Variants in FAR2 observed in about 807,000 individuals in gnomAD.
The protein encoded by FAR2 is epididymis secretory protein Li 81.
A neutral mutation model predicts 56.0 loss-of-function variants in FAR2; 19 were observed. The observed-to-expected ratio is 0.34, with a 90% CI of 0.24 to 0.50. The LOEUF (loss-of-function observed/expected upper bound fraction) is 0.50, where lower values mean the gene tolerates loss of function less well. FAR2 is among the 20% of genes least tolerant of loss of function. The probability of loss-of-function intolerance (pLI) is 0.98; values close to 1 mark genes in which losing one functional copy is unlikely to be tolerated. For synonymous variants in FAR2, 219 were observed against 218.8 expected (o/e 1.00, Z -0.01); for missense variants, 508 against 642.2 (o/e 0.79, Z 2.26).
chr12:29,297,082 C>A lies in FAR2; in HGVS notation c.427C>A (p.Pro143Thr). The A allele has an allele frequency of 6.2e-7, 1 of 1,613,238 alleles. No individual in the cohort carries two copies. Among genetic ancestry groups the A allele is most frequent in the Non-Finnish European group, 8.5e-7 (1 of 1,179,568 alleles). Residue 143 changes from proline to threonine, a missense_variant, in exon 4 of 12, where the codon CCA becomes ACA. Physicochemically the swap from Pro to Thr is conservative, Grantham distance 38. Coordinates refer to ENST00000536681, the MANE Select transcript of FAR2 (RefSeq NM_001271783.2). The stretch of plus-strand genomic sequence containing the variant: ...GCTCTTGCTTATGGCTAGTCAGATG[C>A]CAAAGCTGGAAGCCTTTATACATAT... ...RQLLLMASQM[P>T]KLEAFIHIST... is the part of the protein sequence containing the mutation.
Position 29,311,067 on chromosome 12 carries a change from A to G in FAR2, c.808A>G (p.Met270Val). The G allele has an allele frequency of 1.2e-6, 2 of 1,613,646 alleles. No individual in the cohort carries two copies. Among genetic ancestry groups the G allele is most frequent in the Non-Finnish European group, 1.7e-6 (2 of 1,179,648 alleles). Reference protein sequence around the residue: ...GFLRAIKATPMAVADVIPVDT... With the variant: ...GFLRAIKATPVAVADVIPVDT... Reference sequence around the variant, plus strand: ...TCTTCGGGCCATAAAAGCTACTCCAATGGCTGTGGCAGACGTAATTCCAGT... The same window carrying G: ...TCTTCGGGCCATAAAAGCTACTCCAGTGGCTGTGGCAGACGTAATTCCAGT... Residue 270 changes from methionine (M) to valine (V), a missense_variant, in exon 7 of 12, where the codon ATG (methionine) becomes GTG (valine). By Grantham distance (21) the Met-to-Val change is conservative. Transcript: ENST00000536681.
Position 29,335,561 on chromosome 12 carries a change from CT to C in FAR2, c.*1768del, listed in dbSNP as rs1179788022. On this transcript the variant is annotated 3_prime_UTR_variant, in exon 12 of 12. Transcript: ENST00000536681. Reference sequence around the variant, plus strand: ...ATGTTTTACCAATTCAATAATTCCACTAATCAAGTATTCACATTTTGACTTT... The same window carrying C: ...ATGTTTTACCAATTCAATAATTCCACAATCAAGTATTCACATTTTGACTTT... The C allele has an allele frequency of 6.6e-6, 1 of 152,104 alleles. No homozygotes were observed. Among genetic ancestry groups the C allele is most frequent in the Non-Finnish European group, 1.5e-5 (1 of 68,016 alleles). The allele number at this position is 152,104 out of a possible 1,614,324, so 9.4% of individuals were successfully genotyped here. A position where few individuals can be genotyped will look rare whatever the true frequency, so the allele number is the denominator to read the frequency against.
At chr12:29,331,508 T>TTC (rs1204070880) in intron 10 of FAR2, 1 of 152,114 alleles carries the variant, frequency 6.6e-6, no homozygotes, top group African/African-American at 2.4e-5. Context: ...ATACTTGAAA[T>TTC]ATTTCCAGAG....
At chr12:29,323,731 C>G (rs1183241448) in intron 10 of FAR2, among the ~76,000 whole-genome samples, 1 of 151,926 alleles carries the variant, frequency 6.6e-6, no homozygotes. Flanking sequence ...GACATCCACA[C>G]CAAAAACCCA....
At chr12:29,154,987 G>C (rs1949715041) in intron 1 of FAR2, among the ~76,000 whole-genome samples, 1 of 152,128 alleles carries the variant, frequency 6.6e-6, no homozygotes, top group Admixed American at 6.5e-5. Flanking sequence ...CTACTTAGTT[G>C]GTGGAAAGCG....
chr12:29,243,511 A>G (rs545771208), intron 1 of FAR2, among the ~76,000 whole-genome samples: 2 of 152,352 alleles, frequency 1.3e-5, no homozygotes, highest in South Asian at 4.1e-4. Context: ...GCAGGTGCTC[A>G]GTAAATAATA....
At chr12:29,157,973 T>A (rs1328317580) in intron 1 of FAR2, among the ~76,000 whole-genome samples, 1 of 152,218 alleles carries the variant, frequency 6.6e-6, no homozygotes, top group Admixed American at 6.5e-5. Flanking sequence ...TTGCTTATTA[T>A]TTTCAATAAA....
rs1428713361 is a variant in FAR2 at position 29,334,261 on chromosome 12, T to C, written c.*467T>C. ...AGAATGGTCTCAATATCCTCAAAAA[T>C]GCAGTAAGAGAAGTAATTCCCCACT... On this transcript the variant is annotated 3_prime_UTR_variant, in exon 12 of 12. Transcript: ENST00000536681. 1 of 152,186 alleles carries C rather than the reference T, an allele frequency of 6.6e-6. No individual in the cohort carries two copies. Among genetic ancestry groups the C allele is most frequent in the African/African-American group, 2.4e-5 (1 of 41,418 alleles). 9.4% of individuals were successfully genotyped at this position (152,186 alleles called of 1,614,324 possible). A position where few individuals can be genotyped will look rare whatever the true frequency, so the allele number is the denominator to read the frequency against.
intron 1 of FAR2, among the ~76,000 whole-genome samples, chr12:29,237,305 G>T (rs1356731428): frequency 6.6e-6 from 1 of 152,100 alleles, no homozygotes; most frequent in Non-Finnish European, 1.5e-5. Context: ...GATGTTATTT[G>T]CCTTTTTTAC....
chr12:29,207,208 G>T (rs1947486411), intron 1 of FAR2, among the ~76,000 whole-genome samples: 1 of 152,158 alleles, frequency 6.6e-6, no homozygotes, highest in Non-Finnish European at 1.5e-5. Context: ...TTCAGCTGGA[G>T]AAATATTTGC....
intron 1 of FAR2, among the ~76,000 whole-genome samples, chr12:29,183,468 T>G (rs1425940827): frequency 2.6e-5 from 4 of 152,202 alleles, no homozygotes; most frequent in African/African-American, 9.6e-5. Flanking sequence ...AGATCTTCCT[T>G]CCAAACTAGG....
At chr12:29,259,923 G>A (rs1241443867) in intron 1 of FAR2, among the ~76,000 whole-genome samples, 1 of 152,128 alleles carries the variant, frequency 6.6e-6, no homozygotes, top group Non-Finnish European at 1.5e-5. Flanking sequence ...ATGAGCATGA[G>A]GGGTAGGAAA....
chr12:29,195,829 C>T (rs1030491249), intron 1 of FAR2, among the ~76,000 whole-genome samples: 4 of 151,958 alleles, frequency 2.6e-5, no homozygotes, highest in South Asian at 2.1e-4. Context: ...ACATTTTATC[C>T]GTTAAGTAAT....
chr12:29,331,340 G>A (rs1256352035), intron 10 of FAR2: 1 of 151,772 alleles, frequency 6.6e-6, no homozygotes, highest in East Asian at 1.9e-4. Context: ...CACTTGCTAA[G>A]ATTTATAAAT....
intron 1 of FAR2, among the ~76,000 whole-genome samples, chr12:29,192,746 A>T (rs754985326): frequency 6.6e-6 from 1 of 152,212 alleles, no homozygotes; most frequent in Admixed American, 6.5e-5. Flanking sequence ...TGAAATACCA[A>T]CATCAACTAA....
intron 3 of FAR2, among the ~76,000 whole-genome samples, chr12:29,294,821 C>G (rs769328548): frequency 6.6e-6 from 1 of 151,642 alleles, no homozygotes; most frequent in Non-Finnish European, 1.5e-5. Flanking sequence ...AAGAGGAGTA[C>G]GGGCCAATTC....
At chr12:29,239,599 GGTGAT>G (rs1172391629) in intron 1 of FAR2, among the ~76,000 whole-genome samples, 1 of 152,016 alleles carries the variant, frequency 6.6e-6, no homozygotes, top group African/African-American at 2.4e-5. Flanking sequence ...GATGATGTGA[GGTGAT>G]GACCAGTAGA....
At chr12:29,222,655 C>T (rs1041151077) in intron 1 of FAR2, among the ~76,000 whole-genome samples, 2 of 152,102 alleles carry the variant, frequency 1.3e-5, no homozygotes, top group African/African-American at 4.8e-5. Flanking sequence ...TCTCAATAAA[C>T]TGGCTTAATA....
chr12:29,154,110 T>C (rs1404123654), intron 1 of FAR2, among the ~76,000 whole-genome samples: 1 of 152,226 alleles, frequency 6.6e-6, no homozygotes, highest in Non-Finnish European at 1.5e-5. Flanking sequence ...ATGACAGATA[T>C]AGCTCCTGTC....
Sources: gnomAD v4.1 joint callset for allele counts (sites outside exome capture counted in the v4.1 genomes callset) on GRCh38, gnomAD v4.1.1 for gene constraint, MANE v1.5 for transcripts, NCBI Gene and HGNC (gene_info 2026-07-23, HGNC 2026-07-21) for gene names.